The following ANKS1B variants were observed in gnomAD, a reference collection of about 807,000 sequenced individuals.
ANKS1B encodes the protein ankyrin repeat and sterile alpha motif domain containing 1B, also known as ankyrin repeat and sterile alpha motif domain-containing protein 1B.
ANKS1B carries 36 observed loss-of-function variants against 148.3 expected under a neutral mutation model. That is an observed-to-expected ratio of 0.24 (90% CI 0.19 to 0.32). ANKS1B has a LOEUF of 0.32. Ranked by LOEUF, ANKS1B falls within the 10% of genes least tolerant of loss-of-function variation. ANKS1B has a pLI of 1.00. For missense variants in ANKS1B, 1,157 were observed against 1,542.6 expected (o/e 0.75, Z 4.19); for synonymous variants, 542 against 560.8 (o/e 0.97, Z 0.47).
intron 17 of ANKS1B, among the ~76,000 whole-genome samples, chr12:98,962,403 A>T (rs2099873016): frequency 1.4e-5 from 2 of 147,940 alleles, no homozygotes; most frequent in South Asian, 2.1e-4. Context: ...TATATATATA[A>T]TATATAATAT....
intron 1 of ANKS1B, among the ~76,000 whole-genome samples, chr12:99,865,989 T>C (rs1439076302): frequency 1.3e-5 from 2 of 152,044 alleles, no homozygotes; most frequent in African/African-American, 4.8e-5. Context: ...AGTAAGACTC[T>C]CCAAAATTTA....
At chr12:99,032,960 T>C (rs1184404680) in intron 17 of ANKS1B, among the ~76,000 whole-genome samples, 1 of 152,246 alleles carries the variant, frequency 6.6e-6, no homozygotes, top group African/African-American at 2.4e-5. Flanking sequence ...GGTAGTGATA[T>C]TAAAGAGTAT....
At chr12:99,521,332 A>AT (rs1367151338) in intron 9 of ANKS1B, among the ~76,000 whole-genome samples, 2 of 152,150 alleles carry the variant, frequency 1.3e-5, no homozygotes, top group Admixed American at 1.3e-4. Flanking sequence ...CAACACAGCT[A>AT]TTTTGAATTA....
intron 9 of ANKS1B, among the ~76,000 whole-genome samples, chr12:99,568,088 G>C (rs561335532): frequency 7.6e-4 from 116 of 152,212 alleles, no homozygotes; most frequent in Non-Finnish European, 1.4e-3. Context: ...ATAATTTATT[G>C]GCTTCAAACA....
chr12:99,274,188 T>C (rs1313400255), intron 12 of ANKS1B, among the ~76,000 whole-genome samples: 1 of 152,182 alleles, frequency 6.6e-6, no homozygotes, highest in Non-Finnish European at 1.5e-5. Flanking sequence ...ACTTCCCTGA[T>C]AGCGCTCTGG....
chr12:99,463,609 G>A lies in ANKS1B; in HGVS notation c.1439-19800C>T, dbSNP rs144535975. Among the ~76,000 whole-genome samples the A allele has an allele frequency of 2.6e-3, 390 of 152,314 alleles. 2 individuals are homozygous for A. Among genetic ancestry groups the A allele is most frequent in the East Asian group, 7.9e-3 (41 of 5,170 alleles). On this transcript the variant is annotated intron_variant, in intron 10 of 26. Coordinates refer to ENST00000683438, the MANE Select transcript of ANKS1B (RefSeq NM_001352186.2). ...CCCTAATACTGCGCTTTTCCGACAG[G>A]CTTAAAAAACGGTGCACCAGGAGAT...
intron 1 of ANKS1B, 136 bp downstream of exon 1, chr12:99,983,968 C>A: frequency 1.3e-6 from 1 of 741,226 alleles, no homozygotes; most frequent in East Asian, 2.5e-5. Flanking sequence ...TCTCCATACA[C>A]GCAGTCTGTT....
At chr12:99,219,841 A>G (rs777648083) in intron 14 of ANKS1B, among the ~76,000 whole-genome samples, 1 of 152,194 alleles carries the variant, frequency 6.6e-6, no homozygotes, top group Non-Finnish European at 1.5e-5. Flanking sequence ...GAATCTATAG[A>G]ACCAGTCATT....
Position 99,812,299 on chromosome 12 carries a change from G to A in ANKS1B, c.228C>T (p.Leu76=). The change falls in exon 3 of 27, where the codon CTC becomes CTT. Residue 76 remains leucine (L), a synonymous_variant. Transcript: ENST00000683438. ...AALNGHKDIV[L]KLLQYEASTN... ...TTGATGCCTCATACTGAAGTAGTTTGAGAACTATGTCCCTAAAAAGGAAAA... is the reference window on the plus strand; with the variant it reads ...TTGATGCCTCATACTGAAGTAGTTTAAGAACTATGTCCCTAAAAAGGAAAA... 6.2e-7 allele frequency: 1 copy of A among 1,610,606 alleles called. No homozygotes were observed. Among genetic ancestry groups the A allele is most frequent in the Non-Finnish European group, 8.5e-7 (1 of 1,177,954 alleles).
At chr12:99,009,357 G>A (rs1598396020) in intron 17 of ANKS1B, among the ~76,000 whole-genome samples, 1 of 152,318 alleles carries the variant, frequency 6.6e-6, no homozygotes, top group Middle Eastern at 3.4e-3. Context: ...AGCACGAACA[G>A]AGAGAAGGGA....
intron 1 of ANKS1B, among the ~76,000 whole-genome samples, chr12:99,969,245 C>T (rs1019280574): frequency 6.6e-6 from 1 of 152,062 alleles, no homozygotes; most frequent in Non-Finnish European, 1.5e-5. Context: ...GTGGCATGAT[C>T]ATAGCTCACT....
At chr12:98,844,823 G>T (rs1030387996) in intron 17 of ANKS1B, among the ~76,000 whole-genome samples, 2 of 152,040 alleles carry the variant, frequency 1.3e-5, no homozygotes, top group African/African-American at 2.4e-5. Context: ...GACATAAGAA[G>T]AATACTTATC....
intron 14 of ANKS1B, among the ~76,000 whole-genome samples, chr12:99,176,695 A>C (rs1044513857): frequency 2.0e-5 from 3 of 152,130 alleles, no homozygotes; most frequent in Non-Finnish European, 4.4e-5. Context: ...GTGAGCTCTC[A>C]TTCTCAGTTC....
At chr12:99,321,668 C>T (rs573520997) in intron 12 of ANKS1B, among the ~76,000 whole-genome samples, 5 of 152,290 alleles carry the variant, frequency 3.3e-5, no homozygotes, top group African/African-American at 1.2e-4. Flanking sequence ...AAGGCGATGC[C>T]CCGCCCTGCT....
chr12:99,203,731 G>A lies in ANKS1B; in HGVS notation c.2419+40611C>T, dbSNP rs143419709. Among the ~76,000 whole-genome samples, 1,133 of 152,216 alleles carry A rather than the reference G, an allele frequency of 7.4e-3. 13 individuals are homozygous for A. Among genetic ancestry groups the A allele is most frequent in the African/African-American group, 0.025 (1,052 of 41,536 alleles). Reference sequence around the variant, plus strand: ...CTCCCAAAGTGCTGGGATTACAGGCGTGAGCCACTGCACCCGGCCAAGACC... The same window carrying A: ...CTCCCAAAGTGCTGGGATTACAGGCATGAGCCACTGCACCCGGCCAAGACC... On this transcript the variant is annotated intron_variant, in intron 14 of 26. Transcript: ENST00000683438.
At chr12:98,769,165 C>CTTTTTTTCTTT (rs2098532590) in intron 25 of ANKS1B, among the ~76,000 whole-genome samples, 1 of 41,216 alleles carries the variant, frequency 2.4e-5, no homozygotes, top group African/African-American at 8.2e-5. Flanking sequence ...GTCTTCTTTA[C>CTTTTTTTCTTT]TTTTTTTTTT....
chr12:99,801,745 G>A (rs535137850), intron 4 of ANKS1B, among the ~76,000 whole-genome samples: 2 of 152,250 alleles, frequency 1.3e-5, no homozygotes, highest in Admixed American at 1.3e-4. Context: ...AAAACGTATG[G>A]TATTAAAGAC....
chr12:99,288,946 CAA>C (rs759354538), intron 12 of ANKS1B, among the ~76,000 whole-genome samples: 1 of 151,924 alleles, frequency 6.6e-6, no homozygotes, highest in Non-Finnish European at 1.5e-5. Flanking sequence ...ACTTTCCAAT[CAA>C]AAGACATAGA....
In ANKS1B at chr12:98,896,630, A is replaced by G. The variant is rs141038409; in HGVS notation, c.2779-64494T>C. ...GGGCCAGGACATAAGCTCAGACTAG[A>G]TGTCTAATTCACTTGCTATACATGT... On this transcript the variant is annotated intron_variant, in intron 17 of 26. Coordinates refer to ENST00000683438, the MANE Select transcript of ANKS1B (RefSeq NM_001352186.2). 3.9e-5 allele frequency among the ~76,000 whole-genome samples: 6 copies of G among 152,340 alleles called. No homozygotes were observed. The East Asian group carries it at 1.2e-3, about 29-fold the overall frequency.
Sources: gnomAD v4.1 joint callset for allele counts (sites outside exome capture counted in the v4.1 genomes callset) on GRCh38, gnomAD v4.1.1 for gene constraint, MANE v1.5 for transcripts, NCBI Gene and HGNC (gene_info 2026-07-23, HGNC 2026-07-21) for gene names.